Variants in TAF3 observed in about 807,000 individuals in gnomAD.
TAF3 encodes the protein transcription initiation factor TFIID subunit 3.
TAF3 carries 7 observed loss-of-function variants against 80.6 expected under a neutral mutation model. That is an observed-to-expected ratio of 0.09 (90% CI 0.05 to 0.16). The LOEUF is 0.16. Ranked by LOEUF, TAF3 falls within the 10% of genes least tolerant of loss-of-function variation. The probability of loss-of-function intolerance (pLI) is 1.00; values close to 1 mark genes in which losing one functional copy is unlikely to be tolerated. For synonymous variants in TAF3, 444 were observed against 446.1 expected (o/e 1.00, Z 0.06); for missense variants, 921 against 1,140.2 (o/e 0.81, Z 2.77).
intron 3 of TAF3, among the ~76,000 whole-genome samples, chr10:7,975,435 C>T (rs772285894): frequency 8.5e-5 from 13 of 152,172 alleles, no homozygotes; most frequent in African/African-American, 2.2e-4. Flanking sequence ...AAGCAAAACG[C>T]GCATGGTCCC....
chr10:7,941,172 G>C (rs1837972525), intron 2 of TAF3, among the ~76,000 whole-genome samples: 1 of 152,112 alleles, frequency 6.6e-6, no homozygotes, highest in South Asian at 2.1e-4. Context: ...TGGGAGAGCT[G>C]TCTTTCAGGA....
intron 2 of TAF3, among the ~76,000 whole-genome samples, chr10:7,908,100 G>C (rs1347324019): frequency 6.6e-6 from 1 of 152,172 alleles, no homozygotes; most frequent in South Asian, 2.1e-4. Flanking sequence ...TTTCCAACCT[G>C]CTTTCATTCC....
intron 4 of TAF3, among the ~76,000 whole-genome samples, chr10:7,993,832 C>T (rs1212826558): frequency 2.7e-5 from 4 of 150,646 alleles, no homozygotes; most frequent in Non-Finnish European, 4.4e-5. Context: ...TGAACCTCAG[C>T]GACCCTGAAA....
Position 7,957,147 on chromosome 10 carries a change from A to C in TAF3, c.410-6773A>C, listed in dbSNP as rs534315791. Among the ~76,000 whole-genome samples, 7 of 152,340 alleles carry C rather than the reference A, an allele frequency of 4.6e-5. 1 individual carries two copies. The highest frequency in any genetic ancestry group is 4.6e-4 in the Admixed American group (7 of 15,306). ...GGAAAAGGTGACATCACTTTTGGGA[A>C]TAATCCTTACTATGCCTTTAGGGAC... On this transcript the variant is annotated intron_variant, in intron 2 of 6. Coordinates refer to ENST00000344293, the MANE Select transcript of TAF3 (RefSeq NM_031923.4).
At chr10:7,829,403 A>G (rs899415025) in intron 2 of TAF3, among the ~76,000 whole-genome samples, 6 of 152,300 alleles carry the variant, frequency 3.9e-5, no homozygotes, top group Non-Finnish European at 8.8e-5. Flanking sequence ...GATCCCATCC[A>G]GGATATCATA....
At chr10:8,011,301 C>A (rs1300882799) in intron 5 of TAF3, among the ~76,000 whole-genome samples, 1 of 152,056 alleles carries the variant, frequency 6.6e-6, no homozygotes, top group Non-Finnish European at 1.5e-5. Context: ...CTTGTCCATA[C>A]TGGAATGCAG....
chr10:7,843,011 C>A (rs777122223), intron 2 of TAF3, among the ~76,000 whole-genome samples: 1 of 152,214 alleles, frequency 6.6e-6, no homozygotes, highest in Non-Finnish European at 1.5e-5. Context: ...TGCTTTGCAC[C>A]TGCTAGGGCG....
chr10:7,896,975 G>C (rs1312622391), intron 2 of TAF3, among the ~76,000 whole-genome samples: 1 of 152,160 alleles, frequency 6.6e-6, no homozygotes, highest in Admixed American at 6.5e-5. Context: ...GGCTGGCCGT[G>C]AGCCAGCAGT....
intron 2 of TAF3, among the ~76,000 whole-genome samples, chr10:7,881,483 ACACACAAAC>A (rs1837361170): frequency 1.5e-5 from 2 of 132,274 alleles, no homozygotes; most frequent in Non-Finnish European, 3.4e-5. Flanking sequence ...ACACACACAT[ACACACAAAC>A]ACACACACAC....
chr10:7,849,722 C>G (rs1837008658), intron 2 of TAF3, among the ~76,000 whole-genome samples: 1 of 151,720 alleles, frequency 6.6e-6, no homozygotes, highest in Admixed American at 6.6e-5. Context: ...CTCTGTCACC[C>G]AGGCTGGAGT....
intron 2 of TAF3, among the ~76,000 whole-genome samples, chr10:7,882,793 T>C (rs1329000602): frequency 1.3e-5 from 2 of 152,242 alleles, no homozygotes; most frequent in Non-Finnish European, 1.5e-5. Context: ...TATTTTTTCC[T>C]TTGTAATAAT....
chr10:7,824,416 C>T lies in TAF3; in HGVS notation c.265C>T (p.Pro89Ser). The T allele has an allele frequency of 6.2e-7, 1 of 1,614,118 alleles. No individual in the cohort carries two copies. Among genetic ancestry groups the T allele is most frequent in the South Asian group, 1.1e-5 (1 of 91,080 alleles). The change falls in exon 2 of 7, where the codon CCT becomes TCT. Residue 89 changes from proline to serine, a missense_variant. By Grantham distance (74) the Pro-to-Ser change is moderately conservative (BLOSUM62 -1). Transcript: ENST00000344293. ...AGAAGACTATATTCACAACATTGAG[C>T]CTGTCACCTTCCCACACCAAATTCC... ...ELEDYIHNIE[P>S]VTFPHQIPSF...
chr10:8,001,211 G>A (rs1197741994), intron 4 of TAF3, among the ~76,000 whole-genome samples: 1 of 152,158 alleles, frequency 6.6e-6, no homozygotes, highest in Non-Finnish European at 1.5e-5. Context: ...GAGCTTGCAC[G>A]TTTTTAAGTT....
intron 2 of TAF3, among the ~76,000 whole-genome samples, chr10:7,944,525 A>G (rs1357162183): frequency 1.3e-5 from 2 of 152,218 alleles, no homozygotes; most frequent in Non-Finnish European, 2.9e-5. Flanking sequence ...TTGCAACGTT[A>G]AAGGACATAG....
intron 5 of TAF3, 147 bp from the exon 6 acceptor site, chr10:8,013,584 A>G (rs947099263): frequency 3.4e-5 from 20 of 584,812 alleles, no homozygotes; most frequent in Non-Finnish European, 6.1e-5. Context: ...TGATCATGGC[A>G]TTAATGAAGT....
chr10:7,948,354 G>A (rs11255454), intron 2 of TAF3, among the ~76,000 whole-genome samples: 53,349 of 150,942 alleles, frequency 0.35, 10,632 homozygotes, highest in Admixed American at 0.48. Flanking sequence ...CTCTTAAAGT[G>A]TTGGGATTAC....
chr10:7,867,876 T>C (rs1837229107), intron 2 of TAF3, among the ~76,000 whole-genome samples: 1 of 152,214 alleles, frequency 6.6e-6, no homozygotes, highest in South Asian at 2.1e-4. Context: ...TTACCAATAA[T>C]GTAAACGGTC....
chr10:7,862,668 T>G (rs180910392), intron 2 of TAF3, among the ~76,000 whole-genome samples: 1 of 152,334 alleles, frequency 6.6e-6, no homozygotes, highest in Admixed American at 6.5e-5. Context: ...TTGCAATCCA[T>G]ATCTCCTCTT....
chr10:7,933,098 C>CAAA (rs34660241), intron 2 of TAF3, among the ~76,000 whole-genome samples: 2 of 148,642 alleles, frequency 1.3e-5, no homozygotes, highest in African/African-American at 5.0e-5. Context: ...ATAAAGCAAA[C>CAAA]AAAAAAAAAA....
Sources: gnomAD v4.1 joint callset for allele counts (sites outside exome capture counted in the v4.1 genomes callset) on GRCh38, gnomAD v4.1.1 for gene constraint, MANE v1.5 for transcripts, NCBI Gene and HGNC (gene_info 2026-07-23, HGNC 2026-07-21) for gene names.